The following CCDC60 variants were observed in gnomAD, a reference collection of about 807,000 sequenced individuals.
CCDC60 encodes the protein coiled-coil domain-containing protein 60.
In CCDC60, 54 loss-of-function variants were observed where a neutral mutation model predicts 63.5. The observed-to-expected ratio is 0.85, with a 90% CI of 0.68 to 1.07. The LOEUF (loss-of-function observed/expected upper bound fraction) is 1.07, where lower values mean the gene tolerates loss of function less well. CCDC60 is among the 50% of genes least tolerant of loss of function. CCDC60 has a pLI of 0.00. For missense variants in CCDC60, 651 were observed against 684.3 expected (o/e 0.95, Z 0.54); for synonymous variants, 206 against 238.8 (o/e 0.86, Z 1.27).
intron 5 of CCDC60, 29 bp from the exon 6 acceptor site, chr12:119,500,049 G>A (rs1239744965): frequency 2.0e-6 from 3 of 1,480,694 alleles, no homozygotes; most frequent in Non-Finnish European, 2.8e-6. Context: ...TCTGGAAACG[G>A]AAAACTCATT....
intron 11 of CCDC60, among the ~76,000 whole-genome samples, chr12:119,526,796 C>T (rs572271241): frequency 6.6e-6 from 1 of 152,256 alleles, no homozygotes; most frequent in East Asian, 1.9e-4. Context: ...AAAAGGAATC[C>T]TTATACACTG....
At chr12:119,438,733 A>T (rs1950375705) in intron 2 of CCDC60, among the ~76,000 whole-genome samples, 1 of 152,210 alleles carries the variant, frequency 6.6e-6, no homozygotes, top group South Asian at 2.1e-4. Flanking sequence ...GGGTGGCAAC[A>T]AAGAACATGA....
chr12:119,361,198 C>T (rs990251992), intron 1 of CCDC60, among the ~76,000 whole-genome samples: 3 of 109,926 alleles, frequency 2.7e-5, no homozygotes, highest in Non-Finnish European at 3.5e-5. Flanking sequence ...GAGAGGGAGA[C>T]GAGAGGGAGA....
intron 1 of CCDC60, among the ~76,000 whole-genome samples, chr12:119,416,755 G>A (rs1346649137): frequency 1.3e-5 from 2 of 152,138 alleles, no homozygotes; most frequent in African/African-American, 2.4e-5. Context: ...TTTTCTTTCA[G>A]GTGCCCTGAG....
At chr12:119,369,275 C>G (rs1329360457) in intron 1 of CCDC60, among the ~76,000 whole-genome samples, 1 of 152,188 alleles carries the variant, frequency 6.6e-6, no homozygotes, top group Non-Finnish European at 1.5e-5. Context: ...AAAAGATTTA[C>G]AAGGCACAAA....
intron 6 of CCDC60, among the ~76,000 whole-genome samples, chr12:119,502,857 C>A (rs200889126): frequency 1.3e-5 from 2 of 152,220 alleles, no homozygotes; most frequent in East Asian, 3.9e-4. Flanking sequence ...ATGCCACCAT[C>A]TGTCCACCCT....
intron 1 of CCDC60, among the ~76,000 whole-genome samples, chr12:119,344,836 T>TTCTC (rs796680771): frequency 0.012 from 1,246 of 107,646 alleles, 20 homozygotes; most frequent in East Asian, 0.059. Context: ...CTCTCTCTCT[T>TTCTC]TCTCTCTCTC....
intron 1 of CCDC60, among the ~76,000 whole-genome samples, chr12:119,392,532 A>T (rs1411270659): frequency 6.6e-6 from 1 of 152,250 alleles, no homozygotes; most frequent in Admixed American, 6.5e-5. Context: ...GAGAGATGCC[A>T]TGCCAAGTTC....
chr12:119,432,819 C>T (rs946724076), intron 2 of CCDC60, among the ~76,000 whole-genome samples: 10 of 152,200 alleles, frequency 6.6e-5, no homozygotes, highest in African/African-American at 2.4e-4. Context: ...TCGTTAAACA[C>T]AGCTATTATT....
rs1389266139 is a variant in CCDC60, at chr12:119,410,071, T to C, written c.91-18612T>C. ...CTCCAGCCTCCTTATAGTCCCACGA[T>C]ACTCAATACCCTGACGCTCTCCAAG... is the stretch of plus-strand genomic sequence containing the variant. On this transcript the variant is annotated intron_variant, in intron 1 of 13. Coordinates refer to ENST00000327554, the MANE Select transcript of CCDC60 (RefSeq NM_178499.5). The surrounding 1 kb of genome is among the most constrained non-coding windows in gnomAD (Gnocchi z 4.0). Among the ~76,000 whole-genome samples, 4 of 152,194 alleles carry C rather than the reference T, an allele frequency of 2.6e-5. No individual in the cohort carries two copies. The highest frequency in any genetic ancestry group is 2.1e-4 in the South Asian group (1 of 4,834).
chr12:119,362,206 A>T (rs1038754232), intron 1 of CCDC60, among the ~76,000 whole-genome samples: 2 of 152,184 alleles, frequency 1.3e-5, no homozygotes, highest in Non-Finnish European at 2.9e-5. Context: ...TCTAGGATGC[A>T]TGAGAAGGGG....
At chr12:119,418,465 A>G (rs369483611) in intron 1 of CCDC60, among the ~76,000 whole-genome samples, 1 of 117,044 alleles carries the variant, frequency 8.5e-6, no homozygotes, top group African/African-American at 3.3e-5. Context: ...CCCAGGCTGG[A>G]GTGCAGTGGC....
intron 1 of CCDC60, among the ~76,000 whole-genome samples, chr12:119,392,444 C>T (rs544557470): frequency 3.7e-4 from 57 of 152,158 alleles, no homozygotes; most frequent in Non-Finnish European, 6.6e-4. Context: ...CTGAATTAGT[C>T]CTGGCTGGTT....
chr12:119,519,466 TA>T (rs66583618), intron 8 of CCDC60, among the ~76,000 whole-genome samples: 18,616 of 130,630 alleles, frequency 0.14, 1,557 homozygotes, highest in Non-Finnish European at 0.16. Context: ...TATATATATA[TA>T]TTTTTTTTTT....
At position 119,423,828 on chromosome 12, in the gene CCDC60, G is replaced by A. The variant is rs529042691; in HGVS notation, c.91-4855G>A. ...TACCTGTCATGAGTTCTGATTTCCT[G>A]CCTAGACCCTGCCTGATCCAGTATG... On this transcript the variant is annotated intron_variant, in intron 1 of 13. Transcript: ENST00000327554. Among the ~76,000 whole-genome samples the A allele has an allele frequency of 5.4e-4, 82 of 152,214 alleles. 2 individuals are homozygous for A. The South Asian group carries it at 0.017, about 31-fold the overall frequency.
intron 1 of CCDC60, among the ~76,000 whole-genome samples, chr12:119,366,902 G>A (rs1456585262): frequency 1.3e-5 from 2 of 152,088 alleles, no homozygotes; most frequent in African/African-American, 2.4e-5. Flanking sequence ...GCACAGTCTC[G>A]GCTCACTGCA....
chr12:119,433,455 A>C (rs1950270196), intron 2 of CCDC60: 1 of 702,366 alleles, frequency 1.4e-6, no homozygotes, highest in South Asian at 1.5e-5. Flanking sequence ...GCAAGCAAGA[A>C]AGAAACGACA....
At chr12:119,521,677 G>A in intron 9 of CCDC60, among the ~76,000 whole-genome samples, 1 of 152,188 alleles carries the variant, frequency 6.6e-6, no homozygotes, top group East Asian at 1.9e-4. Flanking sequence ...AGGCAGACGG[G>A]TTTTTTGTTG....
chr12:119,530,851 G>T lies in CCDC60; in HGVS notation c.1362-23G>T, dbSNP rs375064910. On this transcript the variant is annotated intron_variant, in intron 12 of 13. Coordinates refer to ENST00000327554, the MANE Select transcript of CCDC60 (RefSeq NM_178499.5). ...AGATCTTCCAGCAGCTTCCTAACTT[G>T]TCCTCTCCTTTTGGAATTGAAGGTA... 16 of 1,603,692 alleles carry T rather than the reference G, an allele frequency of 1.0e-5. No individual in the cohort carries two copies. In the East Asian group the frequency reaches 1.3e-4, roughly 13 times the overall value.
Sources: gnomAD v4.1 joint callset for allele counts (sites outside exome capture counted in the v4.1 genomes callset) on GRCh38, gnomAD v4.1.1 for gene constraint, Gnocchi (gnomAD v3.1) non-coding constraint, MANE v1.5 for transcripts, NCBI Gene and HGNC (gene_info 2026-07-23, HGNC 2026-07-21) for gene names.